The following SH2B1 variants were observed in gnomAD, a reference collection of about 807,000 sequenced individuals.
SH2B1 encodes the protein SH2B adaptor protein 1, also known as SH2B adapter protein 1.
Under a neutral mutation model 62.6 loss-of-function variants are expected in SH2B1, and 15 were observed. The observed-to-expected ratio is 0.24, with a 90% CI of 0.16 to 0.37. The LOEUF (loss-of-function observed/expected upper bound fraction) is 0.37, where lower values mean the gene tolerates loss of function less well. Among genes scored for constraint, SH2B1 ranks in the 10% least tolerant of loss-of-function variants. The pLI, the probability that SH2B1 is intolerant of heterozygous loss-of-function variation, is 1.00. For missense variants in SH2B1, 925 were observed against 1,015.6 expected, an observed-to-expected ratio of 0.91 and a Z score of 1.21; for synonymous variants, 443 against 438.0, an observed-to-expected ratio of 1.01 and a Z score of -0.14.
At chr16:28,860,915 C>G (rs1442571043), upstream of SH2B1, among the ~76,000 whole-genome samples, 2 of 151,136 alleles carry the variant, frequency 1.3e-5, no homozygotes, top group African/African-American at 4.9e-5. Flanking sequence ...CTCCCAGGTT[C>G]AAGCGATTCT....
chr16:28,866,798 G>C lies in SH2B1; in HGVS notation c.704G>C (p.Arg235Pro), dbSNP rs758842219. 1.9e-6 allele frequency: 3 copies of C among 1,583,414 alleles called. No individual in the cohort carries two copies. The highest frequency in any genetic ancestry group is 2.6e-6 in the Non-Finnish European group (3 of 1,165,550). ...CGTTTTGAGAGGCTGAGACTCAGTC[G>C]GGGAGGGGGCGCCTTGAAGGATGGA... ...THRFERLRLS[R>P]GGGALKDGAG... The change falls in exon 1 of 8, where the codon CGG becomes CCG. Residue 235 changes from arginine to proline, a missense_variant. Around this residue, in one of 3 missense-constraint regions of SH2B1, gnomAD observed 683 missense variants for 704.0 expected, o/e 0.97. Coordinates refer to ENST00000684370, the MANE Select transcript of SH2B1 (RefSeq NM_001387430.1). This position sits in a 1 kb window ranked among gnomAD's most constrained non-coding sequence, Gnocchi z 6.3.
Position 28,873,619 on chromosome 16 carries a change from AGAGCTGGTCCCCGTGGTT to A in SH2B1, c.2091_2108del (p.Val699_Leu704del), listed in dbSNP as rs775851341. On this transcript the variant is annotated inframe_deletion, in exon 8 of 8. Transcript: ENST00000684370. The surrounding 1 kb of genome is among the most constrained non-coding windows in gnomAD (Gnocchi z 4.2). ...AAGCGGGCGGTGGAGGGGTCCCGGAAGAGCTGGTCCCCGTGGTTGAGCTGGTCCCCGTGGTTGAATTGG... is the reference window on the plus strand; with the variant it reads ...AAGCGGGCGGTGGAGGGGTCCCGGAAGAGCTGGTCCCCGTGGTTGAATTGG... 91 of 1,545,828 alleles carry A rather than the reference AGAGCTGGTCCCCGTGGTT, an allele frequency of 5.9e-5. No homozygotes were observed. The highest frequency in any genetic ancestry group is 1.4e-4 in the African/African-American group (10 of 72,866).
upstream of SH2B1, among the ~76,000 whole-genome samples, chr16:28,861,282 G>A (rs1962439781): frequency 6.6e-6 from 1 of 152,156 alleles, no homozygotes; most frequent in Admixed American, 6.5e-5. Flanking sequence ...ACAGGTATGT[G>A]CCACCATGTC....
At position 28,865,549 on chromosome 16, in the gene SH2B1, A is replaced by C; in HGVS notation, c.-546A>C. On this transcript the variant is annotated 5_prime_UTR_variant, in exon 1 of 8. Coordinates refer to ENST00000684370, the MANE Select transcript of SH2B1 (RefSeq NM_001387430.1). ...GACTATGAAGTGGGGAAAACAGTAG[A>C]CTTGGAGTTCTGAAACTTTTCTGAG... is the stretch of plus-strand genomic sequence containing the variant. 2.0e-6 allele frequency: 2 copies of C among 985,598 alleles called. No individual in the cohort carries two copies. Among genetic ancestry groups the C allele is most frequent in the Non-Finnish European group, 2.4e-6 (2 of 830,016 alleles). The allele number at this position is 985,598 out of a possible 1,614,324, so 61.1% of individuals were successfully genotyped here.
upstream of SH2B1, chr16:28,862,673 T>C (rs1028508840): frequency 2.8e-5 from 4 of 144,812 alleles, no homozygotes; most frequent in African/African-American, 1.0e-4. Context: ...TGGAGTGCCG[T>C]GGCGCCATCT....
At position 28,865,453 on chromosome 16, in the gene SH2B1, T is replaced by C; in HGVS notation, c.-642T>C. The C allele has an allele frequency of 1.0e-6, 1 of 985,572 alleles. No individual in the cohort carries two copies. Among genetic ancestry groups the C allele is most frequent in the Non-Finnish European group, 1.2e-6 (1 of 829,954 alleles). 61.1% of individuals were successfully genotyped at this position (985,572 alleles called of 1,614,324 possible). ...CTAAGGTCTAGAATCCCAGCTCCTC[T>C]CTAGCCCCCTGCGAGCTGGGGCGGT... On this transcript the variant is annotated 5_prime_UTR_variant, in exon 1 of 8. Coordinates refer to ENST00000684370, the MANE Select transcript of SH2B1 (RefSeq NM_001387430.1).
chr16:28,852,044 G>A (rs532705694), intron 1 of SH2B1, among the ~76,000 whole-genome samples: 7 of 148,740 alleles, frequency 4.7e-5, no homozygotes, highest in African/African-American at 1.7e-4. Flanking sequence ...TCCAACCTGG[G>A]CGACAGAGTG....
intron 1 of SH2B1, among the ~76,000 whole-genome samples, chr16:28,857,799 G>A (rs1962355104): frequency 1.3e-5 from 2 of 151,430 alleles, no homozygotes; most frequent in African/African-American, 4.9e-5. Context: ...GAGTGCAGTG[G>A]CGCAATCTCG....
At chr16:28,857,209 G>A (rs1053462200) in intron 1 of SH2B1, among the ~76,000 whole-genome samples, 4 of 151,990 alleles carry the variant, frequency 2.6e-5, no homozygotes, top group Admixed American at 1.3e-4. Flanking sequence ...CTTGAACCCG[G>A]GAGATGGAGG....
intron 1 of SH2B1, among the ~76,000 whole-genome samples, chr16:28,849,146 T>C (rs12325244): frequency 0.013 from 1,926 of 152,296 alleles, 23 homozygotes; most frequent in Admixed American, 0.029. Flanking sequence ...CTGGGTCTCC[T>C]AGGCTGGAGC....
In SH2B1 at chr16:28,873,450, C is replaced by G; in HGVS notation, c.1901C>G (p.Pro634Arg). The change falls in exon 8 of 8, where the codon CCG (proline) becomes CGG (arginine). Residue 634 changes from proline to arginine, a missense_variant. This residue lies in a region of SH2B1 where 185 missense variants were observed against 189.5 expected (regional missense o/e 0.98). Coordinates refer to ENST00000684370, the MANE Select transcript of SH2B1 (RefSeq NM_001387430.1). The surrounding 1 kb of genome is among the most constrained non-coding windows in gnomAD (Gnocchi z 4.2). ...YVPSSQRQQEPTTSHDPPQPP... is the reference protein window; with the variant it reads ...YVPSSQRQQERTTSHDPPQPP... ...TTTTCTTACCATTCCTATCCAGAAC[C>G]GACCACCTCCCATGACCCACCCCAG... The G allele has an allele frequency of 1.3e-6, 2 of 1,567,508 alleles. No homozygotes were observed. The highest frequency in any genetic ancestry group is 1.2e-5 in the South Asian group (1 of 85,874).
Position 28,864,138 on chromosome 16 carries a change from G to C in SH2B1, c.-1957G>C. The C allele has an allele frequency of 8.4e-7, 1 of 1,189,944 alleles. No individual in the cohort carries two copies. Among genetic ancestry groups the C allele is most frequent in the South Asian group, 1.9e-5 (1 of 52,428 alleles). The allele number at this position is 1,189,944 out of a possible 1,614,324, so 73.7% of individuals were successfully genotyped here. A position where few individuals can be genotyped will look rare whatever the true frequency, so the allele number is the denominator to read the frequency against. ...CGGCCCCGGAAAATGGGCGGCTGGG[G>C]GGTGTCCAGGGAGTAGGGTCGGATC... On this transcript the variant is annotated 5_prime_UTR_variant, in exon 1 of 8. Coordinates refer to ENST00000684370, the MANE Select transcript of SH2B1 (RefSeq NM_001387430.1).
rs1209588946 is a variant in SH2B1 at position 28,873,125 on chromosome 16, C to T, written c.1898-322C>T. Reference sequence around the variant, plus strand: ...GTCCCTGTCTGATCTCTCCCTTTCCCCTGCCCCACCGTCCCATCTGTCCCC... The same window carrying T: ...GTCCCTGTCTGATCTCTCCCTTTCCTCTGCCCCACCGTCCCATCTGTCCCC... On this transcript the variant is annotated intron_variant, in intron 7 of 7. Coordinates refer to ENST00000684370, the MANE Select transcript of SH2B1 (RefSeq NM_001387430.1). This position sits in a 1 kb window ranked among gnomAD's most constrained non-coding sequence, Gnocchi z 4.2. 2.4e-6 allele frequency: 3 copies of T among 1,263,316 alleles called. No homozygotes were observed. Among genetic ancestry groups the T allele is most frequent in the Non-Finnish European group, 3.3e-6 (3 of 915,200 alleles). The allele number at this position is 1,263,316 out of a possible 1,614,324, so 78.3% of individuals were successfully genotyped here. A position where few individuals can be genotyped will look rare whatever the true frequency, so the allele number is the denominator to read the frequency against.
rs763804626 is a variant in SH2B1, at chr16:28,872,714, A to G, written c.1897+9A>G. The G allele has an allele frequency of 6.2e-7, 1 of 1,614,058 alleles. No homozygotes were observed. Among genetic ancestry groups the G allele is most frequent in the South Asian group, 1.1e-5 (1 of 91,082 alleles). ...CTCCCAGCGACAGCAGGGTGAGCAG[A>G]GCAGGTCTGCAGGGGAGGAGGTGCC... On this transcript the variant is annotated intron_variant, in intron 7 of 7. Transcript: ENST00000684370. This position sits in a 1 kb window ranked among gnomAD's most constrained non-coding sequence, Gnocchi z 5.3.
Position 28,866,942 on chromosome 16 carries a change from G to A in SH2B1, c.848G>A (p.Gly283Glu), listed in dbSNP as rs1475541480. ...GVAGPPSGGGGQPQWQKCRLL... is the reference protein window; with the variant it reads ...GVAGPPSGGGEQPQWQKCRLL... Reference sequence around the variant, plus strand: ...GCTGGGCCTCCTTCAGGGGGAGGAGGGCAGCCTCAGTGGCAGAAGTGTCGC... The same window carrying A: ...GCTGGGCCTCCTTCAGGGGGAGGAGAGCAGCCTCAGTGGCAGAAGTGTCGC... Residue 283 changes from glycine (G) to glutamate (E), a missense_variant, in exon 1 of 8, where the codon GGG becomes GAG. Transcript: ENST00000684370. The surrounding 1 kb of genome is among the most constrained non-coding windows in gnomAD (Gnocchi z 6.3). The A allele has an allele frequency of 3.7e-6, 6 of 1,609,838 alleles. No individual in the cohort carries two copies. The East Asian group carries it at 6.7e-5, about 18-fold the overall frequency.
chr16:28,870,421 A>G (rs1567470481), intron 4 of SH2B1, among the ~76,000 whole-genome samples: 1 of 152,194 alleles, frequency 6.6e-6, no homozygotes, highest in African/African-American at 2.4e-5. Flanking sequence ...AGGAGAGGAC[A>G]TGCCTGGGGA....
intron 1 of SH2B1, among the ~76,000 whole-genome samples, chr16:28,855,769 A>C (rs891133242): frequency 1.6e-4 from 23 of 144,210 alleles, no homozygotes; most frequent in Non-Finnish European, 2.7e-4. Context: ...CCTCCGGAGT[A>C]GCTGGGACTA....
intron 1 of SH2B1, among the ~76,000 whole-genome samples, chr16:28,853,771 G>C (rs552444490): frequency 6.6e-5 from 10 of 151,134 alleles, no homozygotes; most frequent in African/African-American, 2.4e-4. Flanking sequence ...AGGCCAAGGC[G>C]GGCGGATCAC....
In SH2B1 at chr16:28,872,309, G is replaced by A. The variant is rs772678200; in HGVS notation, c.1633G>A (p.Gly545Ser). Residue 545 changes from glycine to serine, a missense_variant, in exon 6 of 8, where the codon GGC (glycine) becomes AGC (serine). Physicochemically the swap from Gly to Ser is moderately conservative, Grantham distance 56. Coordinates refer to ENST00000684370, the MANE Select transcript of SH2B1 (RefSeq NM_001387430.1). This position sits in a 1 kb window ranked among gnomAD's most constrained non-coding sequence, Gnocchi z 5.3. ...GGCTGCACAGTTGGTGCTGACTGGCGGCACTGGCTCCCACGGTGTCTTCCT... is the reference window on the plus strand; with the variant it reads ...GGCTGCACAGTTGGTGCTGACTGGCAGCACTGGCTCCCACGGTGTCTTCCT... ...LKAAQLVLTG[G>S]TGSHGVFLVR... The A allele has an allele frequency of 1.2e-5, 19 of 1,613,860 alleles. No individual in the cohort carries two copies. Among genetic ancestry groups the A allele is most frequent in the East Asian group, 4.5e-5 (2 of 44,890 alleles).
Sources: allele counts gnomAD v4.1 joint callset (sites outside exome capture counted in the v4.1 genomes callset), GRCh38; gene constraint gnomAD v4.1.1; regional missense constraint gnomAD v4.1.1; non-coding constraint Gnocchi (gnomAD v3.1); transcripts MANE v1.5; gene names NCBI Gene and HGNC (gene_info 2026-07-23, HGNC 2026-07-21).